Variants in CALD1 observed in about 807,000 individuals in gnomAD.
CALD1 encodes the protein caldesmon 1, also known as caldesmon.
In CALD1, 33 loss-of-function variants were observed where a neutral mutation model predicts 99.9. That is an observed-to-expected ratio of 0.33 (90% confidence interval 0.25 to 0.44). The LOEUF (loss-of-function observed/expected upper bound fraction) is 0.44, where lower values mean the gene tolerates loss of function less well. Among genes scored for constraint, CALD1 ranks in the 20% least tolerant of loss-of-function variants. The pLI, the probability that CALD1 is intolerant of heterozygous loss-of-function variation, is 1.00. For synonymous variants in CALD1, 310 were observed against 325.0 expected, an observed-to-expected ratio of 0.95 and a Z score of 0.50; for missense variants, 861 against 962.1, an observed-to-expected ratio of 0.89 and a Z score of 1.39.
At chr7:134,894,825 T>C (rs905282200) in intron 3 of CALD1, among the ~76,000 whole-genome samples, 2 of 152,202 alleles carry the variant, frequency 1.3e-5, no homozygotes, top group African/African-American at 4.8e-5. Context: ...CTTTTATCAT[T>C]TTCCCAAAGC....
intron 1 of CALD1, among the ~76,000 whole-genome samples, chr7:134,767,085 G>A (rs1286526457): frequency 2.6e-5 from 4 of 152,174 alleles, no homozygotes; most frequent in Non-Finnish European, 5.9e-5. Flanking sequence ...GCAGCGTGAG[G>A]TGAAATGAAG....
At chr7:134,754,169 G>A (rs1001897810) in intron 1 of CALD1, among the ~76,000 whole-genome samples, 9 of 152,224 alleles carry the variant, frequency 5.9e-5, no homozygotes, top group African/African-American at 2.2e-4. Context: ...CAGAGTGAGA[G>A]AGAGAAAGCC....
chr7:134,844,237 C>G (rs533228728), intron 2 of CALD1: 4 of 151,090 alleles, frequency 2.6e-5, no homozygotes, highest in Admixed American at 1.3e-4. Flanking sequence ...AATGTAATAT[C>G]TTTCACAAAA....
At chr7:134,845,399 GCCC>G (rs1563040048) in intron 2 of CALD1, among the ~76,000 whole-genome samples, 1 of 152,226 alleles carries the variant, frequency 6.6e-6, no homozygotes, top group African/African-American at 2.4e-5. Flanking sequence ...CTCACTTCCT[GCCC>G]CCCAAGACAG....
intron 9 of CALD1, among the ~76,000 whole-genome samples, chr7:134,950,980 T>C (rs1807291795): frequency 6.6e-6 from 1 of 152,218 alleles, no homozygotes; most frequent in Non-Finnish European, 1.5e-5. Flanking sequence ...CTCACAGTTT[T>C]GGAGGCTGGA....
chr7:134,731,199 TACC>T, the CALD1 span, among the ~76,000 whole-genome samples: 15 of 152,308 alleles, frequency 9.8e-5, 1 homozygote, highest in Non-Finnish European at 2.9e-5. Context: ...TCTTTGGCTC[TACC>T]ACTGGATCTT....
chr7:134,824,872 A>T (rs1220932270), intron 1 of CALD1, among the ~76,000 whole-genome samples: 1 of 152,186 alleles, frequency 6.6e-6, no homozygotes, highest in Non-Finnish European at 1.5e-5. Context: ...CTAGAGATAT[A>T]CGTCACTTGG....
intron 1 of CALD1, among the ~76,000 whole-genome samples, chr7:134,769,968 A>T (rs1003770519): frequency 6.6e-6 from 1 of 152,084 alleles, no homozygotes; most frequent in Non-Finnish European, 1.5e-5. Flanking sequence ...TGTGTTTTAA[A>T]CATTGAAAAT....
intron 1 of CALD1, among the ~76,000 whole-genome samples, chr7:134,838,831 A>C (rs1799541269): frequency 6.6e-6 from 1 of 151,994 alleles, no homozygotes. Flanking sequence ...AACTTTCCTG[A>C]TTTTATATAT....
intron 3 of CALD1, among the ~76,000 whole-genome samples, chr7:134,911,198 C>CTTT (rs964515625): frequency 5.1e-5 from 6 of 118,118 alleles, no homozygotes; most frequent in Non-Finnish European, 3.6e-5. Flanking sequence ...TTTCCTTTTT[C>CTTT]TTTTTTTTTT....
At chr7:134,765,700 C>T (rs539634618) in intron 1 of CALD1, among the ~76,000 whole-genome samples, 1 of 152,186 alleles carries the variant, frequency 6.6e-6, no homozygotes, top group East Asian at 1.9e-4. Context: ...AGGAGGTGAT[C>T]GGATCATGGG....
At chr7:134,844,989 G>A (rs1799794623) in intron 2 of CALD1, among the ~76,000 whole-genome samples, 1 of 152,108 alleles carries the variant, frequency 6.6e-6, no homozygotes, top group Admixed American at 6.5e-5. Context: ...GTATGAATTT[G>A]GGGGAAATAC....
intron 5 of CALD1, among the ~76,000 whole-genome samples, chr7:134,935,171 T>A (rs1229023605): frequency 1.3e-5 from 2 of 151,884 alleles, no homozygotes; most frequent in African/African-American, 4.8e-5. Context: ...AGGGGGGAAA[T>A]GTTTGTAAGC....
the CALD1 span, among the ~76,000 whole-genome samples, chr7:134,721,387 G>A: frequency 2.7e-5 from 4 of 150,866 alleles, no homozygotes; most frequent in African/African-American, 9.8e-5. Flanking sequence ...GCCAGCCTTG[G>A]AATTCTGCAA....
At chr7:134,886,359 G>T (rs1015377625) in intron 3 of CALD1, among the ~76,000 whole-genome samples, 2 of 152,072 alleles carry the variant, frequency 1.3e-5, no homozygotes, top group African/African-American at 4.8e-5. Context: ...GTAAGAGTGG[G>T]CATAGGACTT....
At chr7:134,896,053 C>T (rs1802548927) in intron 3 of CALD1, among the ~76,000 whole-genome samples, 1 of 152,124 alleles carries the variant, frequency 6.6e-6, no homozygotes, top group Non-Finnish European at 1.5e-5. Flanking sequence ...AACTACTCAC[C>T]CTGCCACTCT....
intron 7 of CALD1, among the ~76,000 whole-genome samples, chr7:134,945,206 A>G (rs1806762602): frequency 6.6e-6 from 1 of 152,170 alleles, no homozygotes; most frequent in Non-Finnish European, 1.5e-5. Context: ...TCTTACTTAC[A>G]TAAAAACGTA....
intron 3 of CALD1, among the ~76,000 whole-genome samples, chr7:134,892,604 T>C (rs1379507203): frequency 3.9e-5 from 6 of 152,210 alleles, no homozygotes; most frequent in African/African-American, 7.2e-5. Flanking sequence ...ACAAGACCCA[T>C]GTCCATTACA....
intron 1 of CALD1, among the ~76,000 whole-genome samples, chr7:134,832,707 C>T (rs997919189): frequency 6.6e-6 from 1 of 152,200 alleles, no homozygotes; most frequent in Non-Finnish European, 1.5e-5. Flanking sequence ...GAGAAATACA[C>T]TCGCAAAACA....
Sources: gnomAD v4.1 joint callset for allele counts (sites outside exome capture counted in the v4.1 genomes callset) on GRCh38, gnomAD v4.1.1 for gene constraint, MANE v1.5 for transcripts, NCBI Gene and HGNC (gene_info 2026-07-23, HGNC 2026-07-21) for gene names.